Variants in DNM3 observed in about 807,000 individuals in gnomAD.
DNM3 encodes dynamin 3.
A neutral mutation model predicts 101.6 loss-of-function variants in DNM3; 47 were observed. That is an observed-to-expected ratio of 0.46 (90% CI 0.37 to 0.59). The LOEUF is 0.59. Among genes scored for constraint, DNM3 ranks in the 20% least tolerant of loss-of-function variants. The pLI is 0.00. For missense variants in DNM3, 849 were observed against 1,085.7 expected (o/e 0.78, Z 3.06); for synonymous variants, 385 against 387.9 (o/e 0.99, Z 0.09).
chr1:172,378,929 TCAGAAGTTG>T (rs1317224989), intron 17 of DNM3, 80 bp from the exon 18 acceptor site: 2 of 1,391,938 alleles, frequency 1.4e-6, no homozygotes, highest in African/African-American at 2.9e-5. Context: ...ACTATGCTAA[TCAGAAGTTG>T]ATAATCTGAT....
At chr1:171,953,527 A>C (rs2042665080) in intron 2 of DNM3, among the ~76,000 whole-genome samples, 1 of 151,350 alleles carries the variant, frequency 6.6e-6, no homozygotes. Flanking sequence ...TCCCGGGTTC[A>C]AGCAATTCTC....
At position 171,841,814 on chromosome 1, in the gene DNM3, G is replaced by A. The variant is rs1201114652; in HGVS notation, c.158G>A (p.Gly53Asp). Residue 53 changes from glycine to aspartate, a missense_variant, in exon 1 of 21, where the codon GGC (glycine) becomes GAC (aspartate). Physicochemically the swap from Gly to Asp is moderately conservative, Grantham distance 94 (BLOSUM62 -1). This residue lies in a region of DNM3 where 388 missense variants were observed against 483.0 expected (regional missense o/e 0.80). Transcript: ENST00000627582. ...AGCTCGGTGCTCGAGAACTTCGTGG[G>A]CAGGTAAGCGCGCAGGGCGCGGAGT... ...GKSSVLENFV[G>D]RDFLPRGSGI... 1.9e-6 allele frequency: 3 copies of A among 1,607,844 alleles called. No homozygotes were observed. The highest frequency in any genetic ancestry group is 2.5e-6 in the Non-Finnish European group (3 of 1,178,688).
intron 15 of DNM3, among the ~76,000 whole-genome samples, chr1:172,278,934 G>A (rs2063387507): frequency 6.6e-6 from 1 of 152,132 alleles, no homozygotes; most frequent in South Asian, 2.1e-4. Flanking sequence ...GCTTAACCCA[G>A]AGGAGTTAGG....
intron 13 of DNM3, among the ~76,000 whole-genome samples, chr1:172,107,754 A>G (rs1254247668): frequency 6.6e-6 from 1 of 152,210 alleles, no homozygotes; most frequent in Non-Finnish European, 1.5e-5. Flanking sequence ...ATTGCTTCTC[A>G]TACTGAAATT....
At chr1:172,018,458 C>A (rs1262299514) in intron 4 of DNM3, among the ~76,000 whole-genome samples, 1 of 152,204 alleles carries the variant, frequency 6.6e-6, no homozygotes, top group East Asian at 1.9e-4. Flanking sequence ...ACTATACACT[C>A]CCCGACTTAT....
chr1:171,987,853 C>G, intron 3 of DNM3, 48 bp downstream of exon 3: 1 of 1,480,918 alleles, frequency 6.8e-7, no homozygotes, highest in South Asian at 1.5e-5. Flanking sequence ...AACATTTATA[C>G]TACATTAATT....
intron 15 of DNM3, among the ~76,000 whole-genome samples, chr1:172,294,760 A>C (rs1159492031): frequency 2.7e-5 from 4 of 150,496 alleles, no homozygotes; most frequent in African/African-American, 9.9e-5. Flanking sequence ...AAAAAATACC[A>C]AAATTAGCCA....
intron 4 of DNM3, among the ~76,000 whole-genome samples, chr1:172,016,471 G>A (rs1248380124): frequency 6.6e-6 from 1 of 152,050 alleles, no homozygotes; most frequent in Non-Finnish European, 1.5e-5. Context: ...TCTATACTTG[G>A]GATAAATCCC....
At chr1:172,298,696 C>G (rs746491474) in intron 15 of DNM3, among the ~76,000 whole-genome samples, 14 of 151,966 alleles carry the variant, frequency 9.2e-5, no homozygotes, top group African/African-American at 3.1e-4. Flanking sequence ...ATCATCTTCC[C>G]GGAATCCCCA....
At chr1:172,387,521 T>A (rs2069256840) in intron 19 of DNM3, among the ~76,000 whole-genome samples, 162 bp downstream of exon 19, 1 of 151,668 alleles carries the variant, frequency 6.6e-6, no homozygotes, top group Non-Finnish European at 1.5e-5. Context: ...TAGCCGGGCG[T>A]GGTGGCGGGT....
intron 14 of DNM3, among the ~76,000 whole-genome samples, chr1:172,181,676 G>T (rs970646162): frequency 6.6e-6 from 1 of 152,062 alleles, no homozygotes; most frequent in African/African-American, 2.4e-5. Context: ...ATTTATGAAT[G>T]CCAAAGCATG....
intron 14 of DNM3, among the ~76,000 whole-genome samples, chr1:172,248,109 G>C (rs2062030323): frequency 6.6e-6 from 1 of 151,954 alleles, no homozygotes; most frequent in African/African-American, 2.4e-5. Flanking sequence ...AAGTATATTG[G>C]ATTACCACAG....
At chr1:172,059,798 C>T (rs200562707) in intron 10 of DNM3, among the ~76,000 whole-genome samples, 1 of 141,794 alleles carries the variant, frequency 7.1e-6, no homozygotes, top group South Asian at 2.4e-4. Flanking sequence ...GACAGGGATG[C>T]CCTCTCTCAC....
intron 15 of DNM3, among the ~76,000 whole-genome samples, chr1:172,306,252 A>G (rs894307321): frequency 1.3e-5 from 2 of 152,206 alleles, no homozygotes; most frequent in Non-Finnish European, 2.9e-5. Flanking sequence ...AGAAACAGCC[A>G]AATCATGAGT....
At chr1:172,033,069 G>C (rs201247900) in intron 5 of DNM3, 36 bp from the exon 6 acceptor site, 1 of 1,599,604 alleles carries the variant, frequency 6.3e-7, no homozygotes. Flanking sequence ...GCCACAAAAA[G>C]TGTCCCCAAC....
chr1:171,865,515 C>CAAAAAAAAAAAA (rs57826674), intron 1 of DNM3, among the ~76,000 whole-genome samples: 3 of 80,664 alleles, frequency 3.7e-5, no homozygotes, highest in Non-Finnish European at 7.0e-5. Flanking sequence ...GATCCTGTCT[C>CAAAAAAAAAAAA]AAAAAAAAAA....
chr1:172,379,331 C>A, intron 18 of DNM3, 149 bp downstream of exon 18: 2 of 771,164 alleles, frequency 2.6e-6, no homozygotes, highest in Non-Finnish European at 4.0e-6. Context: ...TGATATGTGA[C>A]TGACCAGTGA....
In DNM3 at chr1:172,086,139, G is replaced by A. The variant is rs544904041; in HGVS notation, c.1493+4237G>A. Among the ~76,000 whole-genome samples, 313 of 152,216 alleles carry A rather than the reference G, an allele frequency of 2.1e-3. 4 individuals are homozygous for A. The highest frequency in any genetic ancestry group is 7.2e-3 in the African/African-American group (298 of 41,550). ...AGTTTTCTCTTTCATCCTCAAATAT[G>A]TTATTTTAAACTTCATCTTCATCCT... is the stretch of plus-strand genomic sequence containing the variant. On this transcript the variant is annotated intron_variant, in intron 12 of 20. Coordinates refer to ENST00000627582, the MANE Select transcript of DNM3 (RefSeq NM_015569.5).
chr1:172,338,353 G>A (rs2066539268), intron 17 of DNM3, among the ~76,000 whole-genome samples: 1 of 151,968 alleles, frequency 6.6e-6, no homozygotes, highest in African/African-American at 2.4e-5. Flanking sequence ...TACCATTGAG[G>A]AGAATTTTTA....
Sources: allele counts gnomAD v4.1 joint callset (sites outside exome capture counted in the v4.1 genomes callset), GRCh38; gene constraint gnomAD v4.1.1; regional missense constraint gnomAD v4.1.1; transcripts MANE v1.5; gene names NCBI Gene and HGNC (gene_info 2026-07-23, HGNC 2026-07-21).